CSMD3: variants seen among roughly 807,000 people sequenced by gnomAD.
The protein encoded by CSMD3 is CUB and Sushi multiple domains 3.
A neutral mutation model predicts 435.2 loss-of-function variants in CSMD3; 177 were observed. That is an observed-to-expected ratio of 0.41 (90% CI 0.36 to 0.46). CSMD3 has a LOEUF of 0.46. CSMD3 is among the 20% of genes least tolerant of loss of function. CSMD3 has a pLI of 0.34. For missense variants in CSMD3, 4,265 were observed against 4,504.6 expected, an observed-to-expected ratio of 0.95 and a Z score of 1.52; for synonymous variants, 1,656 against 1,520.5, an observed-to-expected ratio of 1.09 and a Z score of -2.07.
chr8:112,602,275 T>C (rs1013734821), intron 22 of CSMD3, among the ~76,000 whole-genome samples: 3 of 152,150 alleles, frequency 2.0e-5, no homozygotes, highest in Non-Finnish European at 4.4e-5. Context: ...GGTTAGGGGA[T>C]TGACTCTCTA....
intron 13 of CSMD3, among the ~76,000 whole-genome samples, chr8:112,750,268 A>C (rs1482929756): frequency 1.3e-5 from 2 of 151,632 alleles, no homozygotes; most frequent in Non-Finnish European, 2.9e-5. Context: ...TTTTAAAATT[A>C]TATTATTGTA....
chr8:113,253,882 C>T (rs1563610289), intron 3 of CSMD3, among the ~76,000 whole-genome samples: 2 of 151,830 alleles, frequency 1.3e-5, no homozygotes, highest in Admixed American at 6.6e-5. Flanking sequence ...CTTATGTCCT[C>T]GCTGTGACAG....
At chr8:112,432,722 G>GT (rs1437843036) in intron 32 of CSMD3, among the ~76,000 whole-genome samples, 1 of 152,064 alleles carries the variant, frequency 6.6e-6, no homozygotes, top group Admixed American at 6.6e-5. Flanking sequence ...GAAAGAGAAA[G>GT]TAAGTATGAA....
At position 113,246,799 on chromosome 8, in the gene CSMD3, G is replaced by T. The variant is rs2093280678; in HGVS notation, c.514+31793C>A. Among the ~76,000 whole-genome samples the T allele has an allele frequency of 4.6e-5, 7 of 152,152 alleles. No individual in the cohort carries two copies. The South Asian group carries it at 1.2e-3, about 27-fold the overall frequency. ...ATTCTAAAAGTCACTCTTCCCTGAT[G>T]CATGTGGTCAATTAAGTCTGCTTAA... On this transcript the variant is annotated intron_variant, in intron 3 of 70. Transcript: ENST00000297405.
intron 16 of CSMD3, among the ~76,000 whole-genome samples, chr8:112,669,220 G>C (rs1383440733): frequency 6.6e-6 from 1 of 151,880 alleles, no homozygotes; most frequent in Non-Finnish European, 1.5e-5. Context: ...TTTTAGTAGA[G>C]ACAGGGTTTC....
intron 24 of CSMD3, among the ~76,000 whole-genome samples, chr8:112,566,412 T>A (rs748067828): frequency 2.0e-5 from 3 of 152,110 alleles, no homozygotes; most frequent in Admixed American, 6.6e-5. Context: ...TTGAACATTA[T>A]GATAATGACC....
In CSMD3 at chr8:112,550,764, G is replaced by A. The variant is rs1301371136; in HGVS notation, c.4471C>T (p.Pro1491Ser). 6.2e-7 allele frequency: 1 copy of A among 1,603,196 alleles called. No homozygotes were observed. The highest frequency in any genetic ancestry group is 1.3e-5 in the African/African-American group (1 of 74,726). ...TTGAGGGTGCTATGAATTCCTTCAGGAATAAGAGATCCACTAATTTCCTTT... is the reference window on the plus strand; with the variant it reads ...TTGAGGGTGCTATGAATTCCTTCAGAAATAAGAGATCCACTAATTTCCTTT... ...LLKEISGSLIPEGIHSTLNIV... is the reference protein window; with the variant it reads ...LLKEISGSLISEGIHSTLNIV... The change falls in exon 27 of 71, where the codon CCT becomes TCT. Residue 1491 changes from proline to serine, a missense_variant. Pro to Ser is a moderately conservative substitution (Grantham distance 74, BLOSUM62 -1). Around this residue, in one of 3 missense-constraint regions of CSMD3, gnomAD observed 3,255 missense variants for 3,380.2 expected, o/e 0.96. Coordinates refer to ENST00000297405, the MANE Select transcript of CSMD3 (RefSeq NM_198123.2).
intron 5 of CSMD3, among the ~76,000 whole-genome samples, chr8:113,067,346 A>T (rs546453763): frequency 6.6e-6 from 1 of 152,242 alleles, no homozygotes; most frequent in African/African-American, 2.4e-5. Context: ...AGACATATGA[A>T]ATGTCTTCAG....
intron 9 of CSMD3, among the ~76,000 whole-genome samples, chr8:112,929,798 T>C (rs1358185221): frequency 6.6e-6 from 1 of 151,936 alleles, no homozygotes; most frequent in Non-Finnish European, 1.5e-5. Context: ...TTCAGAAAAA[T>C]TACAATATAC....
intron 35 of CSMD3, among the ~76,000 whole-genome samples, chr8:112,391,128 T>G (rs1415037375): frequency 6.6e-6 from 1 of 152,176 alleles, no homozygotes; most frequent in Non-Finnish European, 1.5e-5. Context: ...TGTCTCGAAT[T>G]TTTAAAAAAT....
At chr8:113,277,564 T>C (rs1414532134) in intron 3 of CSMD3, among the ~76,000 whole-genome samples, 1 of 151,986 alleles carries the variant, frequency 6.6e-6, no homozygotes, top group Non-Finnish European at 1.5e-5. Context: ...CTATTTACTA[T>C]GTGATTGTTT....
At chr8:112,331,473 T>A (rs1197002550) in intron 45 of CSMD3, among the ~76,000 whole-genome samples, 1 of 152,000 alleles carries the variant, frequency 6.6e-6, no homozygotes, top group African/African-American at 2.4e-5. Flanking sequence ...TTATTTTTGA[T>A]CATAAAAGGC....
intron 1 of CSMD3, chr8:113,376,595 A>AT (rs949260373): frequency 1.8e-4 from 151 of 824,766 alleles, no homozygotes; most frequent in Non-Finnish European, 2.7e-4. Flanking sequence ...TTGATATCCA[A>AT]TTTTTTTTAA....
chr8:112,973,095 T>C (rs909194591), intron 7 of CSMD3, among the ~76,000 whole-genome samples: 3 of 151,946 alleles, frequency 2.0e-5, no homozygotes, highest in African/African-American at 4.8e-5. Flanking sequence ...TTTGGAAATA[T>C]GGAAAAAAGT....
chr8:112,259,657 C>A (rs1372903628), intron 61 of CSMD3, among the ~76,000 whole-genome samples: 1 of 151,864 alleles, frequency 6.6e-6, no homozygotes, highest in Non-Finnish European at 1.5e-5. Context: ...AATAATAGCA[C>A]AAAAAACATT....
At chr8:112,541,060 TA>T (rs1039458527) in intron 27 of CSMD3, among the ~76,000 whole-genome samples, 2 of 151,112 alleles carry the variant, frequency 1.3e-5, no homozygotes, top group African/African-American at 4.9e-5. Context: ...TACATACCAA[TA>T]AAAAAGAGAA....
chr8:113,129,087 T>C (rs1331044860), intron 4 of CSMD3, among the ~76,000 whole-genome samples: 2 of 152,190 alleles, frequency 1.3e-5, no homozygotes, highest in Non-Finnish European at 2.9e-5. Flanking sequence ...TATGAACTGT[T>C]GCATACAGAA....
intron 42 of CSMD3, among the ~76,000 whole-genome samples, chr8:112,341,167 A>T (rs1423429171): frequency 6.6e-6 from 1 of 152,088 alleles, no homozygotes; most frequent in Non-Finnish European, 1.5e-5. Context: ...GCAAAGATAC[A>T]TCTTTGCTGT....
chr8:113,408,855 G>A (rs906892150), intron 1 of CSMD3, among the ~76,000 whole-genome samples: 7 of 151,894 alleles, frequency 4.6e-5, no homozygotes, highest in African/African-American at 1.7e-4. Context: ...AGTAGAGATG[G>A]CATCTCGCCA....
Sources: allele counts gnomAD v4.1 joint callset (sites outside exome capture counted in the v4.1 genomes callset), GRCh38; gene constraint gnomAD v4.1.1; regional missense constraint gnomAD v4.1.1; transcripts MANE v1.5; gene names NCBI Gene and HGNC (gene_info 2026-07-23, HGNC 2026-07-21).